GALNT5: variants seen among roughly 807,000 people sequenced by gnomAD.
GALNT5 encodes the protein polypeptide N-acetylgalactosaminyltransferase 5, also known as UDP-GalNAc:polypeptide N-acetylgalactosaminyltransferase 5.
Under a neutral mutation model 85.4 loss-of-function variants are expected in GALNT5, and 72 were observed. The observed-to-expected ratio is 0.84, with a 90% confidence interval of 0.70 to 1.03. GALNT5 has a LOEUF of 1.03. GALNT5 is among the 50% of genes least tolerant of loss of function. GALNT5 has a pLI of 0.00. For synonymous variants in GALNT5, 404 were observed against 397.0 expected (o/e 1.02, Z -0.21); for missense variants, 1,137 against 1,135.5 (o/e 1.00, Z -0.02).
In GALNT5 at chr2:157,286,893, A is replaced by AGTGTGTGT. The variant is rs3072178; in HGVS notation, c.1741+796_1741+803dup. 5.7e-3 allele frequency among the ~76,000 whole-genome samples: 772 copies of AGTGTGTGT among 135,882 alleles called. 9 individuals are homozygous for AGTGTGTGT. Among genetic ancestry groups the AGTGTGTGT allele is most frequent in the African/African-American group, 8.9e-3 (320 of 35,936 alleles). The allele number at this position is 135,882 out of a possible 152,430, so 89.1% of individuals were successfully genotyped here. On this transcript the variant is annotated intron_variant, in intron 3 of 9. Coordinates refer to ENST00000259056, the MANE Select transcript of GALNT5 (RefSeq NM_014568.3). ...TCCTCACACACTTTGTTTAAATACC[A>AGTGTGTGT]GTGTGTGTGTGTGTGTGTGTGTGTG...
At chr2:157,270,239 C>G (rs1481065639) in intron 1 of GALNT5, among the ~76,000 whole-genome samples, 1 of 152,206 alleles carries the variant, frequency 6.6e-6, no homozygotes, top group Non-Finnish European at 1.5e-5. Flanking sequence ...CCCTTAGACT[C>G]ATATTAATCC....
rs1414568505 is a variant in GALNT5 at position 157,300,765 on chromosome 2, AG to A, written c.2206del (p.Asp736ThrfsTer3). The stretch of plus-strand genomic sequence containing the variant: ...ATGACAATCCATATTCCTTCCCCAA[AG>A]ACCGGATGAAGACAGTGGAGCGGAA... ...RNDNPYSFPK[D>X]RMKTVERNLV... is the part of the protein sequence containing the mutation. On this transcript the variant is annotated frameshift_variant, in exon 7 of 10. Transcript: ENST00000259056. LOFTEE classifies it high-confidence loss of function. 6.2e-7 allele frequency: 1 copy of A among 1,614,092 alleles called. No individual in the cohort carries two copies. The highest frequency in any genetic ancestry group is 8.5e-7 in the Non-Finnish European group (1 of 1,179,958).
intron 1 of GALNT5, among the ~76,000 whole-genome samples, chr2:157,262,649 C>A (rs1465789200): frequency 7.3e-6 from 1 of 136,538 alleles, no homozygotes; most frequent in Non-Finnish European, 1.5e-5. Context: ...ACAACAACAA[C>A]AACAACAACA....
At chr2:157,265,292 A>G (rs1682433896) in intron 1 of GALNT5, among the ~76,000 whole-genome samples, 1 of 152,224 alleles carries the variant, frequency 6.6e-6, no homozygotes, top group Non-Finnish European at 1.5e-5. Context: ...AGGACAATGA[A>G]CTGGGCCTTT....
intron 8 of GALNT5, among the ~76,000 whole-genome samples, chr2:157,306,527 T>C (rs1683459102): frequency 1.3e-5 from 2 of 152,178 alleles, no homozygotes; most frequent in Non-Finnish European, 2.9e-5. Context: ...TACACTTCCC[T>C]CTCTAACATA....
chr2:157,302,487 T>A (rs1477641118), intron 7 of GALNT5: 1 of 152,040 alleles, frequency 6.6e-6, no homozygotes, highest in East Asian at 1.9e-4. Context: ...TGGTAACTTA[T>A]CAGACATTTT....
chr2:157,297,819 T>C (rs1032395084), intron 5 of GALNT5, among the ~76,000 whole-genome samples: 2 of 152,160 alleles, frequency 1.3e-5, no homozygotes, highest in Admixed American at 6.5e-5. Context: ...TAGGAAGTGA[T>C]TCCAGTCTTG....
At chr2:157,286,687 T>G (rs1467727267) in intron 3 of GALNT5, among the ~76,000 whole-genome samples, 1 of 152,092 alleles carries the variant, frequency 6.6e-6, no homozygotes, top group Admixed American at 6.6e-5. Flanking sequence ...GTATTTTTAA[T>G]AGAGACGGGG....
Position 157,316,839 on chromosome 2 carries a change from T to C in GALNT5, c.*5491T>C, listed in dbSNP as rs571549380. Among the ~76,000 whole-genome samples, 7 of 152,092 alleles carry C rather than the reference T, an allele frequency of 4.6e-5. No individual in the cohort carries two copies. The highest frequency in any genetic ancestry group is 1.0e-4 in the Non-Finnish European group (7 of 67,996). ...ACAATAGTTATCATTTCAATTAGAG[T>C]CGCTTTGCAAGTTTATGTGAATCTT... On this transcript the variant is annotated 3_prime_UTR_variant, in exon 10 of 10. Coordinates refer to ENST00000259056, the MANE Select transcript of GALNT5 (RefSeq NM_014568.3).
chr2:157,304,610 T>C (rs1337083895), intron 7 of GALNT5, among the ~76,000 whole-genome samples: 2 of 152,234 alleles, frequency 1.3e-5, no homozygotes, highest in Admixed American at 6.5e-5. Flanking sequence ...TCCGCTGTTA[T>C]GTGGAAGACC....
At chr2:157,299,518 A>G (rs1367345394) in intron 5 of GALNT5, 30 bp from the exon 6 acceptor site, 2 of 1,335,278 alleles carry the variant, frequency 1.5e-6, no homozygotes, top group Non-Finnish European at 2.2e-6. Flanking sequence ...ATGAGATGCA[A>G]GTTTAAAAAA....
intron 7 of GALNT5, among the ~76,000 whole-genome samples, chr2:157,305,215 T>C (rs1413500867): frequency 6.6e-6 from 1 of 152,200 alleles, no homozygotes; most frequent in Non-Finnish European, 1.5e-5. Context: ...GTATTAGCTT[T>C]CGTGACTTTC....
Position 157,300,758 on chromosome 2 carries a change from TC to T in GALNT5, c.2202del (p.Asp736ThrfsTer3). ...HIFRNDNPYS[F>X]PKDRMKTVER... ...TTCAGAAATGACAATCCATATTCCTTCCCCAAAGACCGGATGAAGACAGTGG... is the reference window on the plus strand; with the variant it reads ...TTCAGAAATGACAATCCATATTCCTTCCCAAAGACCGGATGAAGACAGTGG... On this transcript the variant is annotated frameshift_variant, in exon 7 of 10. Coordinates refer to ENST00000259056, the MANE Select transcript of GALNT5 (RefSeq NM_014568.3). LOFTEE classifies it high-confidence loss of function. 6.2e-7 allele frequency: 1 copy of T among 1,614,026 alleles called. No individual in the cohort carries two copies. Among genetic ancestry groups the T allele is most frequent in the South Asian group, 1.1e-5 (1 of 91,068 alleles).
intron 5 of GALNT5, chr2:157,299,050 T>C (rs1268359061): frequency 6.4e-6 from 1 of 157,324 alleles, no homozygotes. Context: ...GGGACGCACA[T>C]GGAGCGGTGA....
At position 157,277,091 on chromosome 2, in the gene GALNT5, T is replaced by C. The variant is rs192928365; in HGVS notation, c.1455-7191T>C. Among the ~76,000 whole-genome samples, 11 of 152,360 alleles carry C rather than the reference T, an allele frequency of 7.2e-5. No individual in the cohort carries two copies. In the East Asian group the frequency reaches 1.9e-3, roughly 27 times the overall value. The stretch of plus-strand genomic sequence containing the variant: ...CATTTCGTTATTTACTCAGTGGTCA[T>C]TCAGGAGCAGGTTGTTCAGTCTCCA... On this transcript the variant is annotated intron_variant, in intron 1 of 9. Coordinates refer to ENST00000259056, the MANE Select transcript of GALNT5 (RefSeq NM_014568.3).
intron 1 of GALNT5, among the ~76,000 whole-genome samples, chr2:157,275,298 T>A (rs980221862): frequency 6.6e-6 from 1 of 152,200 alleles, no homozygotes; most frequent in African/African-American, 2.4e-5. Context: ...CTTGGGATTG[T>A]CTTGGCAATG....
At chr2:157,307,527 G>T (rs1177467408) in intron 8 of GALNT5, among the ~76,000 whole-genome samples, 1 of 151,996 alleles carries the variant, frequency 6.6e-6, no homozygotes, top group Non-Finnish European at 1.5e-5. Flanking sequence ...TAATGTTCAC[G>T]TGAATCACCT....
chr2:157,288,709 G>C (rs529170673), intron 3 of GALNT5, among the ~76,000 whole-genome samples: 1 of 152,148 alleles, frequency 6.6e-6, no homozygotes, highest in Non-Finnish European at 1.5e-5. Context: ...AAATAGGAAC[G>C]AAACTGTCTG....
chr2:157,296,080 TA>T (rs1305436996), intron 4 of GALNT5, among the ~76,000 whole-genome samples: 1 of 152,198 alleles, frequency 6.6e-6, no homozygotes, highest in Non-Finnish European at 1.5e-5. Flanking sequence ...CCCAAATATT[TA>T]TTTACCTCAA....
Sources: gnomAD v4.1 joint callset for allele counts (sites outside exome capture counted in the v4.1 genomes callset) on GRCh38, gnomAD v4.1.1 for gene constraint, MANE v1.5 for transcripts, NCBI Gene and HGNC (gene_info 2026-07-23, HGNC 2026-07-21) for gene names.